The following KRIT1 variants were observed in gnomAD, a reference collection of about 807,000 sequenced individuals.
The protein encoded by KRIT1 is krev interaction trapped protein 1.
A neutral mutation model predicts 95.8 loss-of-function variants in KRIT1; 45 were observed. That is an observed-to-expected ratio of 0.47 (90% CI 0.37 to 0.60). The LOEUF is 0.60. Among genes scored for constraint, KRIT1 ranks in the 20% least tolerant of loss-of-function variants. The pLI is 0.00. For synonymous variants in KRIT1, 282 were observed against 278.8 expected, an observed-to-expected ratio of 1.01 and a Z score of -0.11; for missense variants, 788 against 877.5, an observed-to-expected ratio of 0.90 and a Z score of 1.29.
intron 12 of KRIT1, among the ~76,000 whole-genome samples, chr7:92,224,084 C>T (rs188086123): frequency 3.3e-4 from 50 of 152,168 alleles, no homozygotes; most frequent in African/African-American, 9.2e-4. Context: ...TGACAAAATG[C>T]GTGCGTGTGT....
At chr7:92,240,632 AT>A (rs948097214) in intron 5 of KRIT1, among the ~76,000 whole-genome samples, 16 of 152,308 alleles carry the variant, frequency 1.1e-4, no homozygotes, top group Non-Finnish European at 2.1e-4. Context: ...CTACTTGGTA[AT>A]TTACAGGACT....
chr7:92,224,327 G>A (rs969945186), intron 12 of KRIT1, among the ~76,000 whole-genome samples: 4 of 152,050 alleles, frequency 2.6e-5, no homozygotes, highest in Admixed American at 6.6e-5. Flanking sequence ...AGCCAGGAGC[G>A]GTGGCACGTC....
At chr7:92,227,316 G>A (rs1796393142) in intron 10 of KRIT1, among the ~76,000 whole-genome samples, 1 of 152,134 alleles carries the variant, frequency 6.6e-6, no homozygotes. Flanking sequence ...TATAATCCCA[G>A]CACTTTGGGA....
Position 92,234,890 on chromosome 7 carries a change from G to A in KRIT1, c.763C>T (p.Leu255=). Residue 255 remains leucine, a synonymous_variant, in exon 9 of 19, where the codon CTA becomes TTA. Coordinates refer to ENST00000394505, the MANE Select transcript of KRIT1 (RefSeq NM_194454.3). ...ATTTTTGAGTAGTCTGGAGCTCCTA[G>A]ACCAAAGTATGGATTTATTACCACT... ...DKVVINPYFG[L]GAPDYSKIQI... 3 of 1,596,442 alleles carry A rather than the reference G, an allele frequency of 1.9e-6. No individual in the cohort carries two copies. The highest frequency in any genetic ancestry group is 2.6e-6 in the Non-Finnish European group (3 of 1,163,986).
intron 7 of KRIT1, 34 bp downstream of exon 7, chr7:92,236,378 AT>A: frequency 7.0e-7 from 1 of 1,431,072 alleles, no homozygotes; most frequent in Non-Finnish European, 9.8e-7. Flanking sequence ...CATGTATTTG[AT>A]TAATTAAAAG....
chr7:92,230,952 A>G (rs138778716), intron 10 of KRIT1, among the ~76,000 whole-genome samples: 3 of 152,312 alleles, frequency 2.0e-5, no homozygotes, highest in African/African-American at 7.2e-5. Flanking sequence ...AATGAAACAA[A>G]GAGTACAGAT....
intron 14 of KRIT1, among the ~76,000 whole-genome samples, chr7:92,216,270 A>C (rs1394399544): frequency 6.6e-6 from 1 of 150,754 alleles, no homozygotes; most frequent in African/African-American, 2.4e-5. Context: ...AACTGAAATA[A>C]TACTATTTTT....
At chr7:92,241,274 A>G (rs776112474) in intron 4 of KRIT1, 122 bp from the exon 5 acceptor site, 7 of 762,718 alleles carry the variant, frequency 9.2e-6, no homozygotes, top group South Asian at 4.7e-5. Flanking sequence ...GGAAGCTTTA[A>G]AACAATAGCA....
At chr7:92,202,736 AAAAT>A (rs746181328) in intron 17 of KRIT1, among the ~76,000 whole-genome samples, 2 of 152,232 alleles carry the variant, frequency 1.3e-5, no homozygotes, top group African/African-American at 2.4e-5. Flanking sequence ...ATAAATAAAT[AAAAT>A]AAATAAAGTG....
At chr7:92,221,628 A>AT (rs545833682) in intron 14 of KRIT1, among the ~76,000 whole-genome samples, 2 of 152,130 alleles carry the variant, frequency 1.3e-5, no homozygotes, top group South Asian at 2.1e-4. Context: ...AGTCTAAACA[A>AT]TTTTTTTTCC....
In KRIT1 at chr7:92,221,940, T is replaced by G; in HGVS notation, c.1525A>C (p.Arg509=). Residue 509 remains arginine (R), a synonymous_variant, in exon 14 of 19, where the codon AGA becomes CGA. Transcript: ENST00000394505. ...TCCAAGGGAAGTCTCACATCTCTTC[T>G]TAGAAAAAGCTGAGGTGTTTCCCTT... ...PQRETPQLFL[R]RDVRLPLEVE... 6.2e-7 allele frequency: 1 copy of G among 1,613,918 alleles called. No homozygotes were observed. Among genetic ancestry groups the G allele is most frequent in the Non-Finnish European group, 8.5e-7 (1 of 1,179,866 alleles).
chr7:92,226,826 T>C (rs1796301616), intron 10 of KRIT1, 144 bp from the exon 11 acceptor site: 2 of 703,158 alleles, frequency 2.8e-6, no homozygotes, highest in Non-Finnish European at 4.8e-6. Context: ...CAAAGGATTA[T>C]TAAGATACTG....
intron 12 of KRIT1, among the ~76,000 whole-genome samples, chr7:92,224,746 T>C (rs1422825808): frequency 1.3e-5 from 2 of 152,168 alleles, no homozygotes; most frequent in Non-Finnish European, 2.9e-5. Flanking sequence ...GGAAAATGAG[T>C]CTGTTATATA....
intron 18 of KRIT1, 54 bp downstream of exon 18, chr7:92,201,253 G>T: frequency 1.2e-6 from 1 of 853,754 alleles, no homozygotes; most frequent in South Asian, 1.4e-5. Flanking sequence ...TTTAAAAAAA[G>T]AAGTAACTTT....
chr7:92,211,743 T>C (rs993504964), intron 17 of KRIT1, among the ~76,000 whole-genome samples: 2 of 152,202 alleles, frequency 1.3e-5, no homozygotes, highest in East Asian at 3.8e-4. Flanking sequence ...ACATATTATA[T>C]GCATGTATCA....
In KRIT1 at chr7:92,234,851, GT is replaced by G. The variant is rs1334378315; in HGVS notation, c.801del (p.Lys267AsnfsTer9). 1 of 1,610,338 alleles carries G rather than the reference GT, an allele frequency of 6.2e-7. No homozygotes were observed. The highest frequency in any genetic ancestry group is 8.5e-7 in the Non-Finnish European group (1 of 1,176,804). On this transcript the variant is annotated frameshift_variant, in exon 9 of 19. Transcript: ENST00000394505. LOFTEE classifies it high-confidence loss of function. ...CTCATGCTTCTCTGCCATTTTTCCTGTTTAGGTATTTGGATTTTTGAGTAGT... is the reference window on the plus strand; with the variant it reads ...CTCATGCTTCTCTGCCATTTTTCCTGTTAGGTATTTGGATTTTTGAGTAGT... ...APDYSKIQIP[K>X]QEKWQRSMSS...
In KRIT1 at chr7:92,228,135, G is replaced by A. The variant is rs190504759; in HGVS notation, c.990-1453C>T. Among the ~76,000 whole-genome samples, 286 of 152,292 alleles carry A rather than the reference G, an allele frequency of 1.9e-3. 2 individuals carry two copies. Among genetic ancestry groups the A allele is most frequent in the African/African-American group, 6.3e-3 (261 of 41,552 alleles). On this transcript the variant is annotated intron_variant, in intron 10 of 18. Coordinates refer to ENST00000394505, the MANE Select transcript of KRIT1 (RefSeq NM_194454.3). ...CTCCCAAAGTGGTGGGATTAGAGGC[G>A]TGGGCCACCATGCCCAGCCTGAACT...
At chr7:92,246,019 C>A (rs573198994), upstream of KRIT1, 4 of 257,010 alleles carry the variant, frequency 1.6e-5, no homozygotes, top group Admixed American at 6.3e-5. Flanking sequence ...TTTCACTGGA[C>A]CTGCAGTCTC....
chr7:92,221,602 A>T (rs1323770278), intron 14 of KRIT1, among the ~76,000 whole-genome samples: 2 of 152,230 alleles, frequency 1.3e-5, no homozygotes, highest in Non-Finnish European at 2.9e-5. Flanking sequence ...TATCCTTGAC[A>T]GTGTACTTCC....
Sources: allele counts gnomAD v4.1 joint callset (sites outside exome capture counted in the v4.1 genomes callset), GRCh38; gene constraint gnomAD v4.1.1; transcripts MANE v1.5; gene names NCBI Gene and HGNC (gene_info 2026-07-23, HGNC 2026-07-21).